Variants in KIRREL3 observed in about 807,000 individuals in gnomAD.
KIRREL3 encodes the protein kin of IRRE-like protein 3.
Under a neutral mutation model 89.7 loss-of-function variants are expected in KIRREL3, and 36 were observed. The ratio of observed to expected loss-of-function variants is 0.40; its 90% CI spans 0.31 to 0.53. The LOEUF is 0.53. KIRREL3 is among the 20% of genes least tolerant of loss of function. KIRREL3 has a pLI of 0.49. For missense variants in KIRREL3, 864 were observed against 1,056.6 expected, an observed-to-expected ratio of 0.82 and a Z score of 2.53; for synonymous variants, 445 against 441.4, an observed-to-expected ratio of 1.01 and a Z score of -0.10.
At position 126,768,503 on chromosome 11, in the gene KIRREL3, A is replaced by G. The variant is rs1420894141; in HGVS notation, c.56-205591T>C. On this transcript the variant is annotated intron_variant, in intron 1 of 16. Transcript: ENST00000525144. This position sits in a 1 kb window ranked among gnomAD's most constrained non-coding sequence, Gnocchi z 4.5. ...TGAAGAGACAGACAATAAAAAGACT[A>G]GACATACACAAGACAGATTCCAACA... is the stretch of plus-strand genomic sequence containing the variant. 2.0e-5 allele frequency among the ~76,000 whole-genome samples: 3 copies of G among 152,234 alleles called. No homozygotes were observed. Among genetic ancestry groups the G allele is most frequent in the Non-Finnish European group, 4.4e-5 (3 of 68,040 alleles).
chr11:126,496,110 C>T lies in KIRREL3; in HGVS notation c.434-22644G>A, dbSNP rs1221769633. Among the ~76,000 whole-genome samples, 1 of 152,182 alleles carries T rather than the reference C, an allele frequency of 6.6e-6. No individual in the cohort carries two copies. The highest frequency in any genetic ancestry group is 1.9e-4 in the East Asian group (1 of 5,192). Reference sequence around the variant, plus strand: ...AAGCCAGGCTCAGTTTCTTGACCTGCAGAAACTGTGAGAGCTAAGAAATGA... The same window carrying T: ...AAGCCAGGCTCAGTTTCTTGACCTGTAGAAACTGTGAGAGCTAAGAAATGA... On this transcript the variant is annotated intron_variant, in intron 4 of 16. Transcript: ENST00000525144. This position sits in a 1 kb window ranked among gnomAD's most constrained non-coding sequence, Gnocchi z 4.9.
chr11:126,457,209 GTA>G (rs1491110111), intron 6 of KIRREL3, among the ~76,000 whole-genome samples: 9 of 127,670 alleles, frequency 7.0e-5, no homozygotes, highest in Admixed American at 3.2e-4. Context: ...GTGTGTGTGT[GTA>G]TGTGTATGTG....
chr11:126,523,664 C>A lies in KIRREL3; in HGVS notation c.284-2200G>T, dbSNP rs1958663261. On this transcript the variant is annotated intron_variant, in intron 3 of 16. Transcript: ENST00000525144. This position sits in a 1 kb window ranked among gnomAD's most constrained non-coding sequence, Gnocchi z 4.9. ...GCCCAGGTAAGTTAAGCTGTCTCCC[C>A]CCAGGGCCAGGAGAGGGGCTGGAAA... Among the ~76,000 whole-genome samples, 1 of 152,108 alleles carries A rather than the reference C, an allele frequency of 6.6e-6. No homozygotes were observed. The highest frequency in any genetic ancestry group is 2.4e-5 in the African/African-American group (1 of 41,410).
chr11:126,854,568 A>T lies in KIRREL3; in HGVS notation c.55+145887T>A, dbSNP rs181522995. Among the ~76,000 whole-genome samples the T allele has an allele frequency of 2.6e-3, 399 of 152,334 alleles. 7 individuals are homozygous for T. The highest frequency in any genetic ancestry group is 0.021 in the Admixed American group (327 of 15,302). ...GGGCCAGAATTTCCTTCCTTTTTAA[A>T]GCTGAATTATATTCTATTGTAAATA... On this transcript the variant is annotated intron_variant, in intron 1 of 16. Coordinates refer to ENST00000525144, the MANE Select transcript of KIRREL3 (RefSeq NM_032531.4).
Position 126,817,808 on chromosome 11 carries a change from T to C in KIRREL3, c.55+182647A>G, listed in dbSNP as rs971546392. On this transcript the variant is annotated intron_variant, in intron 1 of 16. Transcript: ENST00000525144. This position sits in a 1 kb window ranked among gnomAD's most constrained non-coding sequence, Gnocchi z 5.7. ...CCATATCTAGAGGTGACTCTGGCACTCTGGCTGTCCCAACCCCACCCTGAT... is the reference window on the plus strand; with the variant it reads ...CCATATCTAGAGGTGACTCTGGCACCCTGGCTGTCCCAACCCCACCCTGAT... 3.3e-5 allele frequency among the ~76,000 whole-genome samples: 5 copies of C among 152,188 alleles called. No homozygotes were observed. The highest frequency in any genetic ancestry group is 7.3e-5 in the Non-Finnish European group (5 of 68,032).
chr11:126,671,252 G>A (rs867621471), intron 1 of KIRREL3, among the ~76,000 whole-genome samples: 249 of 89,058 alleles, frequency 2.8e-3, no homozygotes, highest in African/African-American at 0.011. Flanking sequence ...TTTTTTTTTT[G>A]AGTCGAGGTC....
In KIRREL3 at chr11:126,443,359, C is replaced by T. The variant is rs117445852; in HGVS notation, c.1252+1620G>A. Among the ~76,000 whole-genome samples the T allele has an allele frequency of 4.6e-3, 706 of 152,304 alleles. 3 individuals carry two copies. The highest frequency in any genetic ancestry group is 7.4e-3 in the South Asian group (36 of 4,834). The stretch of plus-strand genomic sequence containing the variant: ...CTCTGAGCCGAGTGTCAGACACCTG[C>T]GCTGAAAGGAAAAGGCTGCAGCCTG... On this transcript the variant is annotated intron_variant, in intron 10 of 16. Coordinates refer to ENST00000525144, the MANE Select transcript of KIRREL3 (RefSeq NM_032531.4). The surrounding 1 kb of genome is among the most constrained non-coding windows in gnomAD (Gnocchi z 7.3).
At position 126,906,530 on chromosome 11, in the gene KIRREL3, C is replaced by T. The variant is rs1356659286; in HGVS notation, c.55+93925G>A. Among the ~76,000 whole-genome samples, 2 of 152,166 alleles carry T rather than the reference C, an allele frequency of 1.3e-5. No homozygotes were observed. Among genetic ancestry groups the T allele is most frequent in the Middle Eastern group, 3.2e-3 (1 of 316 alleles). ...CTGCCCAGTAACTTTAATCTCCCTC[C>T]AGCAGAGAAGTGGATAGGGACCCCC... is the stretch of plus-strand genomic sequence containing the variant. On this transcript the variant is annotated intron_variant, in intron 1 of 16. Transcript: ENST00000525144. This position sits in a 1 kb window ranked among gnomAD's most constrained non-coding sequence, Gnocchi z 4.1.
chr11:126,884,600 G>C (rs772291680), intron 1 of KIRREL3, among the ~76,000 whole-genome samples: 1 of 152,160 alleles, frequency 6.6e-6, no homozygotes, highest in Non-Finnish European at 1.5e-5. Context: ...CCTCTCTAAA[G>C]TCAAAGACAA....
At position 126,498,187 on chromosome 11, in the gene KIRREL3, C is replaced by A. The variant is rs369854267; in HGVS notation, c.433+23128G>T. On this transcript the variant is annotated intron_variant, in intron 4 of 16. Coordinates refer to ENST00000525144, the MANE Select transcript of KIRREL3 (RefSeq NM_032531.4). This position sits in a 1 kb window ranked among gnomAD's most constrained non-coding sequence, Gnocchi z 4.3. ...GCAGAGTTGGGGTGGCCATCAAACC[C>A]CTAAAACCCGAGGAGGGGAAGAGAG... Among the ~76,000 whole-genome samples the A allele has an allele frequency of 6.6e-6, 1 of 152,166 alleles. No homozygotes were observed. The highest frequency in any genetic ancestry group is 6.5e-5 in the Admixed American group (1 of 15,288).
At chr11:126,433,584 A>G (rs1453801466) in intron 13 of KIRREL3, among the ~76,000 whole-genome samples, 1 of 152,164 alleles carries the variant, frequency 6.6e-6, no homozygotes, top group Non-Finnish European at 1.5e-5. Context: ...AATGGTGGAC[A>G]CTTAGGGATT....
Position 126,636,965 on chromosome 11 carries a change from A to C in KIRREL3, c.56-74053T>G, listed in dbSNP as rs1944289540. On this transcript the variant is annotated intron_variant, in intron 1 of 16. Transcript: ENST00000525144. This position sits in a 1 kb window ranked among gnomAD's most constrained non-coding sequence, Gnocchi z 4.4. Reference sequence around the variant, plus strand: ...CTGAGGGATAAAAAGGCGATGTGAAAGTCCCTAGGAGGGTAGGCACTTAGT... The same window carrying C: ...CTGAGGGATAAAAAGGCGATGTGAACGTCCCTAGGAGGGTAGGCACTTAGT... 6.6e-6 allele frequency among the ~76,000 whole-genome samples: 1 copy of C among 152,212 alleles called. No individual in the cohort carries two copies. The highest frequency in any genetic ancestry group is 1.5e-5 in the Non-Finnish European group (1 of 68,034).
chr11:126,654,058 G>T (rs564323442), intron 1 of KIRREL3, among the ~76,000 whole-genome samples: 11 of 152,202 alleles, frequency 7.2e-5, no homozygotes, highest in Admixed American at 6.5e-4. Context: ...TCCCTATCAC[G>T]GGCTCCCAGT....
intron 1 of KIRREL3, among the ~76,000 whole-genome samples, chr11:126,567,099 C>A (rs866133861): frequency 6.6e-6 from 1 of 152,162 alleles, no homozygotes; most frequent in Non-Finnish European, 1.5e-5. Context: ...TGCTATAGGT[C>A]GAATTCCTCA....
chr11:126,810,451 A>G, intron 1 of KIRREL3, among the ~76,000 whole-genome samples: 1 of 152,180 alleles, frequency 6.6e-6, no homozygotes, highest in East Asian at 1.9e-4. Flanking sequence ...AAAATATTTT[A>G]TGTAAACCCC....
rs533014285 is a variant in KIRREL3 at position 126,623,154 on chromosome 11, T to C, written c.56-60242A>G. Among the ~76,000 whole-genome samples the C allele has an allele frequency of 6.6e-6, 1 of 152,300 alleles. No individual in the cohort carries two copies. The highest frequency in any genetic ancestry group is 2.1e-4 in the South Asian group (1 of 4,824). Reference sequence around the variant, plus strand: ...GAAAACAGAAATAGGTCATCATTTGTCTAAGGTGACAGAGCCCAAACCCAC... The same window carrying C: ...GAAAACAGAAATAGGTCATCATTTGCCTAAGGTGACAGAGCCCAAACCCAC... On this transcript the variant is annotated intron_variant, in intron 1 of 16. Transcript: ENST00000525144. The surrounding 1 kb of genome is among the most constrained non-coding windows in gnomAD (Gnocchi z 4.1).
intron 2 of KIRREL3, among the ~76,000 whole-genome samples, chr11:126,543,697 A>C (rs1026750039): frequency 6.6e-6 from 1 of 151,862 alleles, no homozygotes. Context: ...GACCACGGAA[A>C]CCTCTCCCAT....
Position 126,587,538 on chromosome 11 carries a change from C to T in KIRREL3, c.56-24626G>A, listed in dbSNP as rs974787797. 6.6e-6 allele frequency among the ~76,000 whole-genome samples: 1 copy of T among 152,196 alleles called. No individual in the cohort carries two copies. Among genetic ancestry groups the T allele is most frequent in the African/African-American group, 2.4e-5 (1 of 41,446 alleles). Reference sequence around the variant, plus strand: ...GTCTTCACTGTGCTCTCGACTCCCCCAGCCTTTCATTGTATGTGGAAGAGG... The same window carrying T: ...GTCTTCACTGTGCTCTCGACTCCCCTAGCCTTTCATTGTATGTGGAAGAGG... On this transcript the variant is annotated intron_variant, in intron 1 of 16. Transcript: ENST00000525144. The surrounding 1 kb of genome is among the most constrained non-coding windows in gnomAD (Gnocchi z 5.2).
intron 1 of KIRREL3, chr11:126,936,485 T>C (rs1433473339): frequency 6.7e-6 from 1 of 149,382 alleles, no homozygotes; most frequent in African/African-American, 2.5e-5. Context: ...TGGAAAAAAA[T>C]CTAAATGTCC....
Sources: allele counts gnomAD v4.1 joint callset (sites outside exome capture counted in the v4.1 genomes callset), GRCh38; gene constraint gnomAD v4.1.1; non-coding constraint Gnocchi (gnomAD v3.1); transcripts MANE v1.5; gene names NCBI Gene and HGNC (gene_info 2026-07-23, HGNC 2026-07-21).